Variants in DSP observed in about 807,000 individuals in gnomAD.
DSP encodes 250/210 kDa paraneoplastic pemphigus antigen.
DSP carries 114 observed loss-of-function variants against 290.6 expected under a neutral mutation model. That is an observed-to-expected ratio of 0.39 (90% CI 0.34 to 0.46). The LOEUF is 0.46. Ranked by LOEUF, DSP falls within the 20% of genes least tolerant of loss-of-function variation. DSP has a pLI of 0.99. For synonymous variants in DSP, 1,311 were observed against 1,316.4 expected (o/e 1.00, Z 0.09); for missense variants, 3,230 against 3,495.8 (o/e 0.92, Z 1.92).
rs758047603 is a variant in DSP, at chr6:7,585,263, G to A, written c.8001G>A (p.Gln2667=). The A allele has an allele frequency of 1.2e-6, 2 of 1,614,200 alleles. No homozygotes were observed. Among genetic ancestry groups the A allele is most frequent in the South Asian group, 2.2e-5 (2 of 91,078 alleles). ...TGGIIHPTTG[Q]KLSLQDAVSQ... ...GCATCATCCACCCAACCACGGGCCAGAAGCTGTCACTTCAGGACGCAGTCT... is the reference window on the plus strand; with the variant it reads ...GCATCATCCACCCAACCACGGGCCAAAAGCTGTCACTTCAGGACGCAGTCT... The change falls in exon 24 of 24, where the codon CAG becomes CAA. Residue 2667 remains glutamine, a synonymous_variant. Coordinates refer to ENST00000379802, the MANE Select transcript of DSP (RefSeq NM_004415.4).
Position 7,571,442 on chromosome 6 carries a change from C to T in DSP, c.1761C>T (p.Tyr587=), listed in dbSNP as rs749703291. 2.5e-6 allele frequency: 4 copies of T among 1,614,162 alleles called. No individual in the cohort carries two copies. The highest frequency in any genetic ancestry group is 3.4e-6 in the Non-Finnish European group (4 of 1,180,038). Residue 587 remains tyrosine (Y), a synonymous_variant, in exon 14 of 24, where the codon TAC becomes TAT. Transcript: ENST00000379802. The part of the protein sequence containing the change: ...MKTIADLELH[Y]QEFIRNSQGS... ...CGATAGCCGACCTTGAGTTACATTA[C>T]CAAGAGTTCATCAGAAATAGCCAAG...
At position 7,541,793 on chromosome 6, in the gene DSP, G is replaced by A; in HGVS notation, c.-123G>A. ...CAGGTAGCGAGCAGCGACCTCGCGA[G>A]CCTTCCGCACTCCCGCCCGGTTCCC... On this transcript the variant is annotated 5_prime_UTR_variant, in exon 1 of 24. Coordinates refer to ENST00000379802, the MANE Select transcript of DSP (RefSeq NM_004415.4). The A allele has an allele frequency of 7.7e-7, 1 of 1,296,274 alleles. No homozygotes were observed. Among genetic ancestry groups the A allele is most frequent in the Non-Finnish European group, 1.0e-6 (1 of 969,710 alleles). The allele number at this position is 1,296,274 out of a possible 1,614,324, so 80.3% of individuals were successfully genotyped here. A position where few individuals can be genotyped will look rare whatever the true frequency, so the allele number is the denominator to read the frequency against.
At chr6:7,572,919 T>A (rs1759099159) in intron 15 of DSP, among the ~76,000 whole-genome samples, 1 of 152,236 alleles carries the variant, frequency 6.6e-6, no homozygotes, top group South Asian at 2.1e-4. Flanking sequence ...ATGGTAAGTG[T>A]GTATCTAAAT....
In DSP at chr6:7,583,432, G is replaced by A; in HGVS notation, c.6170G>A (p.Gly2057Asp). ...CTGGAGGCCCAGGCAGCTACAGGTG[G>A]TATAATTGATCCCCATCGGAATGAG... ...MLLEAQAATGGIIDPHRNEKL... is the reference protein window; with the variant it reads ...MLLEAQAATGDIIDPHRNEKL... The change falls in exon 24 of 24, where the codon GGT (glycine) becomes GAT (aspartate). Residue 2057 changes from glycine (G) to aspartate (D), a missense_variant. Coordinates refer to ENST00000379802, the MANE Select transcript of DSP (RefSeq NM_004415.4). This position sits in a 1 kb window ranked among gnomAD's most constrained non-coding sequence, Gnocchi z 4.0. 6.2e-7 allele frequency: 1 copy of A among 1,614,162 alleles called. No homozygotes were observed. Among genetic ancestry groups the A allele is most frequent in the Non-Finnish European group, 8.5e-7 (1 of 1,180,046 alleles).
chr6:7,548,378 C>A (rs576577295), intron 1 of DSP, among the ~76,000 whole-genome samples: 1 of 152,222 alleles, frequency 6.6e-6, no homozygotes, highest in Non-Finnish European at 1.5e-5. Flanking sequence ...CTGAGCCTCA[C>A]CTCAGCCCCA....
intron 2 of DSP, among the ~76,000 whole-genome samples, chr6:7,557,624 G>C (rs1400077811): frequency 6.6e-6 from 1 of 152,224 alleles, no homozygotes; most frequent in Non-Finnish European, 1.5e-5. Flanking sequence ...AGGTTGCAGT[G>C]AGCTGAGATC....
intron 1 of DSP, among the ~76,000 whole-genome samples, chr6:7,551,198 A>G (rs1487343563): frequency 6.6e-6 from 1 of 152,204 alleles, no homozygotes; most frequent in Non-Finnish European, 1.5e-5. Context: ...AGGTGAAGAA[A>G]TCTTACATAC....
rs1758928792 is a variant in DSP at position 7,568,451 on chromosome 6, A to G, written c.1281A>G (p.Lys427=). 6.2e-7 allele frequency: 1 copy of G among 1,614,016 alleles called. No individual in the cohort carries two copies. The highest frequency in any genetic ancestry group is 1.3e-5 in the African/African-American group (1 of 74,942). ...QIKELEKERE[K]ILEYKRQVQN... The stretch of plus-strand genomic sequence containing the variant: ...CACCATTGCAGAAAGAACGAGAGAA[A>G]ATCCTTGAATACAAGCGTCAGGTGC... The change falls in exon 11 of 24, where the codon AAA becomes AAG. Residue 427 remains lysine (K), a synonymous_variant. Coordinates refer to ENST00000379802, the MANE Select transcript of DSP (RefSeq NM_004415.4).
At position 7,580,888 on chromosome 6, in the gene DSP, G is replaced by A. The variant is rs751608838; in HGVS notation, c.4698G>A (p.Leu1566=). 6 of 1,614,008 alleles carry A rather than the reference G, an allele frequency of 3.7e-6. No homozygotes were observed. The highest frequency in any genetic ancestry group is 1.3e-5 in the African/African-American group (1 of 74,926). ...ITRFQNSLKE[L]QLQKQKVEEE... ...GGTTCCAGAACTCTCTGAAAGAGCT[G>A]CAGCTGCAGAAGCAGAAGGTGGAAG... The change falls in exon 23 of 24, where the codon CTG becomes CTA. Residue 1566 remains leucine (L), a synonymous_variant. Coordinates refer to ENST00000379802, the MANE Select transcript of DSP (RefSeq NM_004415.4). This position sits in a 1 kb window ranked among gnomAD's most constrained non-coding sequence, Gnocchi z 4.2.
intron 1 of DSP, among the ~76,000 whole-genome samples, chr6:7,548,717 A>G (rs998828419): frequency 6.6e-6 from 1 of 152,146 alleles, no homozygotes; most frequent in Non-Finnish European, 1.5e-5. Context: ...TCTAAAATCT[A>G]TAGAGACAAA....
chr6:7,545,356 C>T lies in DSP; in HGVS notation c.170+3271C>T, dbSNP rs531634142. Among the ~76,000 whole-genome samples, 12 of 152,310 alleles carry T rather than the reference C, an allele frequency of 7.9e-5. No homozygotes were observed. In the South Asian group the frequency reaches 2.5e-3, roughly 32 times the overall value. The stretch of plus-strand genomic sequence containing the variant: ...ACTTAGCCTAGGCAGAAACCCCACA[C>T]GCACACTTCAGAGACAGGAAGCTGA... On this transcript the variant is annotated intron_variant, in intron 1 of 23. Coordinates refer to ENST00000379802, the MANE Select transcript of DSP (RefSeq NM_004415.4).
In DSP at chr6:7,565,470, G is replaced by A. The variant is rs201930322; in HGVS notation, c.889G>A (p.Asp297Asn). The change falls in exon 7 of 24, where the codon GAC (aspartate) becomes AAC (asparagine). Residue 297 changes from aspartate to asparagine, a missense_variant. Physicochemically the swap from Asp to Asn is conservative, Grantham distance 23. Around this residue, in one of 5 missense-constraint regions of DSP, gnomAD observed 646 missense variants for 684.3 expected, o/e 0.94. Coordinates refer to ENST00000379802, the MANE Select transcript of DSP (RefSeq NM_004415.4). This position sits in a 1 kb window ranked among gnomAD's most constrained non-coding sequence, Gnocchi z 4.2. ...CTGCGAGGAGGAGGAGCTGCTGTACGACTGGAGCGACAAGAACACCAACAT... is the reference window on the plus strand; with the variant it reads ...CTGCGAGGAGGAGGAGCTGCTGTACAACTGGAGCGACAAGAACACCAACAT... Reference protein sequence around the residue: ...NDCEEEELLYDWSDKNTNIAQ... With the variant: ...NDCEEEELLYNWSDKNTNIAQ... 280 of 1,613,952 alleles carry A rather than the reference G, an allele frequency of 1.7e-4. No homozygotes were observed. The highest frequency in any genetic ancestry group is 2.2e-4 in the Non-Finnish European group (254 of 1,179,984).
At position 7,558,345 on chromosome 6, in the gene DSP, A is replaced by G. The variant is rs78314765; in HGVS notation, c.422+81A>G. 4.6e-3 allele frequency: 7,131 copies of G among 1,551,320 alleles called. 265 individuals carry two copies. In the African/African-American group the frequency reaches 0.082, roughly 18 times the overall value. ...CCAGTTACACTCAATTCCATGACCC[A>G]GGGCTTCCTTTGAAGGCAGCACAAA... On this transcript the variant is annotated intron_variant, in intron 3 of 23. Coordinates refer to ENST00000379802, the MANE Select transcript of DSP (RefSeq NM_004415.4).
Position 7,584,051 on chromosome 6 carries a change from A to G in DSP, c.6789A>G (p.Ile2263Met). 1 of 1,614,222 alleles carries G rather than the reference A, an allele frequency of 6.2e-7. No individual in the cohort carries two copies. The highest frequency in any genetic ancestry group is 8.5e-7 in the Non-Finnish European group (1 of 1,180,044). Residue 2263 changes from isoleucine to methionine, a missense_variant, in exon 24 of 24, where the codon ATA (isoleucine) becomes ATG (methionine). By Grantham distance (10) the Ile-to-Met change is conservative (BLOSUM62 1). This residue lies in a region of DSP where 207 missense variants were observed against 281.2 expected (regional missense o/e 0.74). Transcript: ENST00000379802. The surrounding 1 kb of genome is among the most constrained non-coding windows in gnomAD (Gnocchi z 6.4). ...FLQGSSCIAG[I>M]YNETTKQKLG... is the part of the protein sequence containing the mutation. ...AGGGTTCAAGCTGCATAGCAGGCAT[A>G]TACAATGAGACCACAAAACAGAAGC...
rs780277298 is a variant in DSP at position 7,584,912 on chromosome 6, C to T, written c.7650C>T (p.Gly2550=). Residue 2550 remains glycine, a synonymous_variant, in exon 24 of 24, where the codon GGC becomes GGT. Transcript: ENST00000379802. This position sits in a 1 kb window ranked among gnomAD's most constrained non-coding sequence, Gnocchi z 6.4. ...DRKFFDQYRS[G]SLSLTQFADM... Reference sequence around the variant, plus strand: ...AGTTCTTTGATCAGTACCGATCCGGCAGCCTCAGCCTCACTCAATTTGCTG... The same window carrying T: ...AGTTCTTTGATCAGTACCGATCCGGTAGCCTCAGCCTCACTCAATTTGCTG... 29 of 1,614,090 alleles carry T rather than the reference C, an allele frequency of 1.8e-5. No individual in the cohort carries two copies. Among genetic ancestry groups the T allele is most frequent in the Non-Finnish European group, 2.4e-5 (28 of 1,180,046 alleles).
At chr6:7,552,589 T>A in intron 1 of DSP, among the ~76,000 whole-genome samples, 1 of 145,034 alleles carries the variant, frequency 6.9e-6, no homozygotes. Context: ...AAAGAACATA[T>A]GGAAATGGAA....
At position 7,579,103 on chromosome 6, in the gene DSP, T is replaced by G. The variant is rs1178634574; in HGVS notation, c.3085-172T>G. Among the ~76,000 whole-genome samples, 1 of 152,216 alleles carries G rather than the reference T, an allele frequency of 6.6e-6. No individual in the cohort carries two copies. The highest frequency in any genetic ancestry group is 1.5e-5 in the Non-Finnish European group (1 of 68,034). ...GCATATGAGCAGCTGGTGCAAGAAT[T>G]ATGATGAGAATCCAGATTTCTTGAA... On this transcript the variant is annotated intron_variant, in intron 22 of 23. Coordinates refer to ENST00000379802, the MANE Select transcript of DSP (RefSeq NM_004415.4). The surrounding 1 kb of genome is among the most constrained non-coding windows in gnomAD (Gnocchi z 4.1).
chr6:7,560,969 T>G (rs1192635992), intron 4 of DSP, among the ~76,000 whole-genome samples: 1 of 143,262 alleles, frequency 7.0e-6, no homozygotes, highest in African/African-American at 2.6e-5. Flanking sequence ...TTTTTTTTTT[T>G]GAGAGGGAGT....
rs200671552 is a variant in DSP, at chr6:7,580,231, A to G, written c.4041A>G (p.Glu1347=). 40 of 1,614,070 alleles carry G rather than the reference A, an allele frequency of 2.5e-5. No homozygotes were observed. The Middle Eastern group carries it at 4.9e-4, about 20-fold the overall frequency. The part of the protein sequence containing the change: ...EAKRRWEYEN[E]LSKVRNNYDE... ...AGCGCCGCTGGGAATATGAAAATGA[A>G]CTGAGTAAGGTAAGAAACAATTATG... Residue 1347 remains glutamate, a synonymous_variant, in exon 23 of 24, where the codon GAA becomes GAG. Coordinates refer to ENST00000379802, the MANE Select transcript of DSP (RefSeq NM_004415.4). This position sits in a 1 kb window ranked among gnomAD's most constrained non-coding sequence, Gnocchi z 4.2.
Sources: allele counts gnomAD v4.1 joint callset (sites outside exome capture counted in the v4.1 genomes callset), GRCh38; gene constraint gnomAD v4.1.1; regional missense constraint gnomAD v4.1.1; non-coding constraint Gnocchi (gnomAD v3.1); transcripts MANE v1.5; gene names NCBI Gene and HGNC (gene_info 2026-07-23, HGNC 2026-07-21).